NEMP2: variants seen among roughly 807,000 people sequenced by gnomAD.
The protein encoded by NEMP2 is nuclear envelope integral membrane protein 2.
NEMP2 carries 53 observed loss-of-function variants against 54.2 expected under a neutral mutation model. The ratio of observed to expected loss-of-function variants is 0.98; its 90% CI spans 0.78 to 1.23. The LOEUF is 1.23. Ranked by LOEUF, NEMP2 falls within the 50% of genes most tolerant of loss-of-function variation. The probability of loss-of-function intolerance (pLI) is 0.00; values close to 1 mark genes in which losing one functional copy is unlikely to be tolerated. For synonymous variants in NEMP2, 197 were observed against 190.3 expected, an observed-to-expected ratio of 1.04 and a Z score of -0.29; for missense variants, 455 against 511.3, an observed-to-expected ratio of 0.89 and a Z score of 1.06.
chr2:190,532,975 C>A (rs1022632619), intron 1 of NEMP2, among the ~76,000 whole-genome samples: 4 of 152,188 alleles, frequency 2.6e-5, no homozygotes, highest in African/African-American at 9.7e-5. Flanking sequence ...TCAGGCAGAA[C>A]AGAAGCTCCA....
the NEMP2 span, among the ~76,000 whole-genome samples, chr2:190,576,199 G>T: frequency 6.6e-6 from 1 of 152,042 alleles, no homozygotes; most frequent in Non-Finnish European, 1.5e-5. Flanking sequence ...TTGAATTTCT[G>T]GTCTCAAGCA....
At chr2:190,558,908 G>C in the NEMP2 span, among the ~76,000 whole-genome samples, 1 of 152,100 alleles carries the variant, frequency 6.6e-6, no homozygotes, top group Non-Finnish European at 1.5e-5. This position sits in a 1 kb window ranked among gnomAD's most constrained non-coding sequence, Gnocchi z 4.4. Context: ...GTGTATATAT[G>C]AATATTATAT....
the NEMP2 span, chr2:190,609,963 T>C: frequency 6.6e-6 from 1 of 152,184 alleles, no homozygotes; most frequent in Non-Finnish European, 1.5e-5. The surrounding 1 kb of genome is among the most constrained non-coding windows in gnomAD (Gnocchi z 4.7). Flanking sequence ...GTCTTAAGTT[T>C]GCAGGGCTTT....
At chr2:190,537,080 A>C (rs1444927215), upstream of NEMP2, among the ~76,000 whole-genome samples, 1 of 152,250 alleles carries the variant, frequency 6.6e-6, no homozygotes, top group Non-Finnish European at 1.5e-5. Context: ...GGCTAGAATT[A>C]ATATGCTTAT....
chr2:190,467,561 C>T, the NEMP2 span, among the ~76,000 whole-genome samples: 2 of 151,984 alleles, frequency 1.3e-5, no homozygotes, highest in South Asian at 2.1e-4. The surrounding 1 kb of genome is among the most constrained non-coding windows in gnomAD (Gnocchi z 5.5). Flanking sequence ...TTCAGTGAGC[C>T]GAGATCGTGC....
rs926248617 is a variant in NEMP2, at chr2:190,512,719, TG to T, written c.953+1733del. Among the ~76,000 whole-genome samples the T allele has an allele frequency of 4.6e-5, 7 of 152,186 alleles. No homozygotes were observed. The highest frequency in any genetic ancestry group is 2.0e-4 in the Admixed American group (3 of 15,282). ...AAAGGGCCAGGGACCTGGAAGATGTTGGGGGACCAGCCTCACTGACAAAAGA... is the reference window on the plus strand; with the variant it reads ...AAAGGGCCAGGGACCTGGAAGATGTTGGGGACCAGCCTCACTGACAAAAGA... On this transcript the variant is annotated intron_variant, in intron 7 of 8. Coordinates refer to ENST00000409150, the MANE Select transcript of NEMP2 (RefSeq NM_001142645.2). The surrounding 1 kb of genome is among the most constrained non-coding windows in gnomAD (Gnocchi z 4.5).
chr2:190,477,003 A>G, the NEMP2 span, among the ~76,000 whole-genome samples: 339 of 137,478 alleles, frequency 2.5e-3, 3 homozygotes, highest in African/African-American at 3.7e-3. Flanking sequence ...GAATTGAACA[A>G]TGTGAACACA....
the NEMP2 span, among the ~76,000 whole-genome samples, chr2:190,554,858 A>ACTGGGAGACACCTCCCAATAGGGG: frequency 6.6e-6 from 1 of 152,210 alleles, no homozygotes; most frequent in Non-Finnish European, 1.5e-5. The surrounding 1 kb of genome is among the most constrained non-coding windows in gnomAD (Gnocchi z 5.7). Flanking sequence ...AGGTATCCTG[A>ACTGGGAGACACCTCCCAATAGGGG]CTGGGAGACA....
chr2:190,454,932 G>GTATGTATATGTATATGTATATGTA, the NEMP2 span, among the ~76,000 whole-genome samples: 1,037 of 132,884 alleles, frequency 7.8e-3, 24 homozygotes, highest in African/African-American at 0.021. The surrounding 1 kb of genome is among the most constrained non-coding windows in gnomAD (Gnocchi z 4.6). Flanking sequence ...CCTGGTTTCT[G>GTATGTATATGTATATGTATATGTA]TATGTATATG....
chr2:190,593,577 C>T, the NEMP2 span, among the ~76,000 whole-genome samples: 3 of 152,272 alleles, frequency 2.0e-5, no homozygotes, highest in South Asian at 6.2e-4. This position sits in a 1 kb window ranked among gnomAD's most constrained non-coding sequence, Gnocchi z 4.5. Flanking sequence ...ATGGTCTGTG[C>T]TTAGGCATAA....
At chr2:190,500,149 C>A (rs753442045), downstream of NEMP2, 3 of 1,614,044 alleles carry the variant, frequency 1.9e-6, no homozygotes, top group Admixed American at 3.3e-5. The surrounding 1 kb of genome is among the most constrained non-coding windows in gnomAD (Gnocchi z 5.3). Flanking sequence ...GCCCCGCTCA[C>A]CCCAGTGTGG....
chr2:190,459,749 A>C, the NEMP2 span, among the ~76,000 whole-genome samples: 1 of 152,256 alleles, frequency 6.6e-6, no homozygotes, highest in African/African-American at 2.4e-5. The surrounding 1 kb of genome is among the most constrained non-coding windows in gnomAD (Gnocchi z 5.3). Flanking sequence ...CTTATCAGTC[A>C]TTTTAGAGGG....
the NEMP2 span, among the ~76,000 whole-genome samples, chr2:190,430,780 G>A: frequency 8.8e-3 from 1,333 of 151,478 alleles, 8 homozygotes; most frequent in Non-Finnish European, 0.014. Context: ...CAGAAGGGGC[G>A]GCCGGGCGGG....
the NEMP2 span, among the ~76,000 whole-genome samples, chr2:190,478,643 G>A: frequency 6.6e-6 from 1 of 152,132 alleles, no homozygotes; most frequent in Non-Finnish European, 1.5e-5. Flanking sequence ...TGGAGGACAA[G>A]CCCACTCTCA....
chr2:190,459,097 G>A, the NEMP2 span, among the ~76,000 whole-genome samples: 1 of 152,150 alleles, frequency 6.6e-6, no homozygotes, highest in African/African-American at 2.4e-5. The surrounding 1 kb of genome is among the most constrained non-coding windows in gnomAD (Gnocchi z 5.3). Flanking sequence ...CAACTCCCTA[G>A]GGGTTTCTCC....
At chr2:190,452,138 A>T in the NEMP2 span, among the ~76,000 whole-genome samples, 1 of 152,112 alleles carries the variant, frequency 6.6e-6, no homozygotes, top group Non-Finnish European at 1.5e-5. Context: ...ATGAAAAGTA[A>T]AAAACAAAAA....
At chr2:190,475,909 A>T in the NEMP2 span, among the ~76,000 whole-genome samples, 3 of 152,150 alleles carry the variant, frequency 2.0e-5, no homozygotes, top group African/African-American at 7.2e-5. Flanking sequence ...ATAATGCCAC[A>T]TATCTACAAC....
the NEMP2 span, chr2:190,469,972 G>A: frequency 1.5e-6 from 1 of 673,730 alleles, no homozygotes; most frequent in African/African-American, 1.8e-5. The surrounding 1 kb of genome is among the most constrained non-coding windows in gnomAD (Gnocchi z 5.3). Context: ...TGTTTCATGT[G>A]ATTTTGAAGT....
chr2:190,429,275 TCTCA>T, the NEMP2 span, among the ~76,000 whole-genome samples: 1 of 151,978 alleles, frequency 6.6e-6, no homozygotes, highest in Non-Finnish European at 1.5e-5. Context: ...AAATATCTTC[TCTCA>T]CTCTTTGACT....
Sources: gnomAD v4.1 joint callset for allele counts (sites outside exome capture counted in the v4.1 genomes callset) on GRCh38, gnomAD v4.1.1 for gene constraint, Gnocchi (gnomAD v3.1) non-coding constraint, MANE v1.5 for transcripts, NCBI Gene and HGNC (gene_info 2026-07-23, HGNC 2026-07-21) for gene names.